Variants in NFKB1 observed in about 807,000 individuals in gnomAD.
NFKB1 encodes nuclear factor NF-kappa-B p105 subunit.
NFKB1 carries 9 observed loss-of-function variants against 105.1 expected under a neutral mutation model. That is an observed-to-expected ratio of 0.09 (90% CI 0.05 to 0.15). The LOEUF is 0.15. NFKB1 is among the 10% of genes least tolerant of loss of function. The probability of loss-of-function intolerance (pLI) is 1.00; values close to 1 mark genes in which losing one functional copy is unlikely to be tolerated. For missense variants in NFKB1, 830 were observed against 1,203.7 expected (o/e 0.69, Z 4.59); for synonymous variants, 440 against 442.2 (o/e 1.00, Z 0.06).
chr4:102,611,630 A>G (rs1292278802), intron 20 of NFKB1, among the ~76,000 whole-genome samples: 1 of 152,316 alleles, frequency 6.6e-6, no homozygotes, highest in South Asian at 2.1e-4. Context: ...AAGTTTATAC[A>G]ATTCATTCTC....
In NFKB1 at chr4:102,561,273, T is replaced by TG. The variant is rs202190569; in HGVS notation, c.259-5714_259-5713insG. 8.2e-3 allele frequency among the ~76,000 whole-genome samples: 843 copies of TG among 102,358 alleles called. 6 individuals carry two copies. The highest frequency in any genetic ancestry group is 0.026 in the African/African-American group (585 of 22,660). 67.2% of individuals were successfully genotyped at this position (102,358 alleles called of 152,430 possible). A position where few individuals can be genotyped will look rare whatever the true frequency, so the allele number is the denominator to read the frequency against. ...TTCTCTTTCTTTCTTTCCTTTTTTT[T>TG]TTTTTTTTTGTGTGTGTGTGTGTGC... is the stretch of plus-strand genomic sequence containing the variant. On this transcript the variant is annotated intron_variant, in intron 5 of 23. Coordinates refer to ENST00000226574, the MANE Select transcript of NFKB1 (RefSeq NM_003998.4).
At chr4:102,530,911 C>T (rs1741248628) in intron 3 of NFKB1, among the ~76,000 whole-genome samples, 1 of 152,216 alleles carries the variant, frequency 6.6e-6, no homozygotes, top group East Asian at 1.9e-4. Flanking sequence ...GTCTTTACCC[C>T]TACAAAACAT....
chr4:102,610,743 C>A, intron 20 of NFKB1, 44 bp downstream of exon 20: 1 of 1,606,704 alleles, frequency 6.2e-7, no homozygotes, highest in South Asian at 1.1e-5. Context: ...CTGAGGGAGT[C>A]AGAGGTTCAG....
At chr4:102,605,842 G>A (rs979617438) in intron 16 of NFKB1, among the ~76,000 whole-genome samples, 2 of 152,188 alleles carry the variant, frequency 1.3e-5, no homozygotes, top group Non-Finnish European at 2.9e-5. Flanking sequence ...CAGTCCATGG[G>A]ACAGTATTTT....
At chr4:102,602,012 G>A (rs947896488) in intron 16 of NFKB1, among the ~76,000 whole-genome samples, 5 of 152,032 alleles carry the variant, frequency 3.3e-5, no homozygotes, top group Admixed American at 1.3e-4. Flanking sequence ...GCTGGTTCAC[G>A]TGTATCTCTC....
chr4:102,612,889 C>T (rs1728559031), intron 22 of NFKB1, among the ~76,000 whole-genome samples: 1 of 151,996 alleles, frequency 6.6e-6, no homozygotes, highest in African/African-American at 2.4e-5. Context: ...CGGCCCTGAG[C>T]AAACAATCGA....
rs912960525 is a variant in NFKB1 at position 102,597,583 on chromosome 4, A to T, written c.1559A>T (p.Tyr520Phe). The change falls in exon 15 of 24, where the codon TAC (tyrosine) becomes TTC (phenylalanine). Residue 520 changes from tyrosine (Y) to phenylalanine (F), a missense_variant. Around this residue, in one of 8 missense-constraint regions of NFKB1, gnomAD observed 418 missense variants for 575.3 expected, o/e 0.73. Coordinates refer to ENST00000226574, the MANE Select transcript of NFKB1 (RefSeq NM_003998.4). ...AGGCATGCCAATGCCCTTTTCGACT[A>T]CGCGGTGACAGGAGACGTGAAGATG... ...AKRHANALFDYAVTGDVKMLL... is the reference protein window; with the variant it reads ...AKRHANALFDFAVTGDVKMLL... The T allele has an allele frequency of 6.2e-7, 1 of 1,613,880 alleles. No individual in the cohort carries two copies. The highest frequency in any genetic ancestry group is 8.5e-7 in the Non-Finnish European group (1 of 1,179,934).
At chr4:102,595,370 C>T (rs1048465110) in intron 13 of NFKB1, among the ~76,000 whole-genome samples, 1 of 152,128 alleles carries the variant, frequency 6.6e-6, no homozygotes, top group African/African-American at 2.4e-5. Flanking sequence ...ATCAAGTCAT[C>T]CCCTGAGAAG....
At chr4:102,611,952 G>C (rs774280693) in intron 20 of NFKB1, 92 bp from the exon 21 acceptor site, 36 of 975,418 alleles carry the variant, frequency 3.7e-5, no homozygotes, top group Non-Finnish European at 5.6e-5. Flanking sequence ...CCCTCCTAAG[G>C]AGGACATGCT....
At position 102,578,711 on chromosome 4, in the gene NFKB1, G is replaced by C. The variant is rs914621419; in HGVS notation, c.572-170G>C. 28 of 596,932 alleles carry C rather than the reference G, an allele frequency of 4.7e-5. No individual in the cohort carries two copies. In the African/African-American group the frequency reaches 5.2e-4, roughly 11 times the overall value. The allele number at this position is 596,932 out of a possible 1,614,324, so 37.0% of individuals were successfully genotyped here. A position where few individuals can be genotyped will look rare whatever the true frequency, so the allele number is the denominator to read the frequency against. ...GTCTTCTTTGATGCCTTTCATATTG[G>C]ATGACATAAATGAGACTGTTTTTAA... is the stretch of plus-strand genomic sequence containing the variant. On this transcript the variant is annotated intron_variant, in intron 7 of 23. Coordinates refer to ENST00000226574, the MANE Select transcript of NFKB1 (RefSeq NM_003998.4).
At chr4:102,523,987 A>C (rs1333412398) in intron 1 of NFKB1, among the ~76,000 whole-genome samples, 4 of 152,042 alleles carry the variant, frequency 2.6e-5, no homozygotes, top group African/African-American at 9.7e-5. Flanking sequence ...TGACATTCTC[A>C]TCTGCAGTCC....
intron 5 of NFKB1, among the ~76,000 whole-genome samples, chr4:102,551,367 T>TGTGTGTGTGCACGCGC (rs370790173): frequency 1.3e-5 from 2 of 150,094 alleles, no homozygotes; most frequent in African/African-American, 4.9e-5. Flanking sequence ...TGTGTGTGTG[T>TGTGTGTGTGCACGCGC]GCGCGCGCGC....
intron 1 of NFKB1, among the ~76,000 whole-genome samples, chr4:102,518,219 A>G (rs1427966220): frequency 2.6e-5 from 4 of 152,238 alleles, no homozygotes. Flanking sequence ...GCTTTTAGAT[A>G]GAGAGGTGAA....
intron 1 of NFKB1, among the ~76,000 whole-genome samples, chr4:102,512,372 G>A (rs1387314890): frequency 6.6e-6 from 1 of 152,048 alleles, no homozygotes; most frequent in Non-Finnish European, 1.5e-5. Context: ...GTTTTGAGAT[G>A]TGGTGTCGCT....
intron 3 of NFKB1, among the ~76,000 whole-genome samples, chr4:102,531,549 G>A (rs1438871622): frequency 2.0e-5 from 3 of 152,128 alleles, no homozygotes; most frequent in Non-Finnish European, 2.9e-5. Flanking sequence ...AGTAGATCTA[G>A]TACTTGTTGA....
chr4:102,609,650 T>C (rs1300645481), intron 19 of NFKB1, among the ~76,000 whole-genome samples: 1 of 142,850 alleles, frequency 7.0e-6, no homozygotes, highest in Non-Finnish European at 1.5e-5. Context: ...AGTTAAGAGA[T>C]AGCTCATCCC....
intron 3 of NFKB1, among the ~76,000 whole-genome samples, chr4:102,532,615 G>A (rs1035994707): frequency 6.6e-6 from 1 of 151,928 alleles, no homozygotes; most frequent in Non-Finnish European, 1.5e-5. Context: ...GTGACAGAGT[G>A]AGACTCTGTC....
chr4:102,593,289 C>T, intron 11 of NFKB1, 136 bp from the exon 12 acceptor site: 1 of 827,460 alleles, frequency 1.2e-6, no homozygotes, highest in Non-Finnish European at 1.9e-6. Context: ...TGAAATTTAC[C>T]ATCTCTTCCT....
At chr4:102,591,325 TGGGA>T (rs1726150532) in intron 11 of NFKB1, among the ~76,000 whole-genome samples, 1 of 147,890 alleles carries the variant, frequency 6.8e-6, no homozygotes, top group Admixed American at 7.0e-5. Flanking sequence ...GAGGTTGAGG[TGGGA>T]GGATCACTTG....
Sources: allele counts gnomAD v4.1 joint callset (sites outside exome capture counted in the v4.1 genomes callset), GRCh38; gene constraint gnomAD v4.1.1; regional missense constraint gnomAD v4.1.1; transcripts MANE v1.5; gene names NCBI Gene and HGNC (gene_info 2026-07-23, HGNC 2026-07-21).